The following DSE variants were observed in gnomAD, a reference collection of about 807,000 sequenced individuals.
The protein encoded by DSE is dermatan-sulfate epimerase.
DSE carries 36 observed loss-of-function variants against 84.4 expected under a neutral mutation model. That is an observed-to-expected ratio of 0.43 (90% CI 0.33 to 0.56). The LOEUF is 0.56. Ranked by LOEUF, DSE falls within the 20% of genes least tolerant of loss-of-function variation. The probability of loss-of-function intolerance (pLI) is 0.06; values close to 1 mark genes in which losing one functional copy is unlikely to be tolerated. For synonymous variants in DSE, 410 were observed against 430.1 expected (o/e 0.95, Z 0.58); for missense variants, 862 against 1,169.6 (o/e 0.74, Z 3.84).
intron 2 of DSE, among the ~76,000 whole-genome samples, chr6:116,292,691 CTG>C (rs1275775174): frequency 1.3e-5 from 2 of 152,124 alleles, no homozygotes; most frequent in South Asian, 2.1e-4. Context: ...AGAAAACAAA[CTG>C]AATGTCAGTA....
At position 116,438,881 on chromosome 6, in the gene DSE, CTT is replaced by C. The variant is rs1784331534; in HGVS notation, c.*1539_*1540del. The stretch of plus-strand genomic sequence containing the variant: ...TTGCATAAAGAAAACACAAGTTTGA[CTT>C]TTAACTGTGCTTCACTTATTATGCT... On this transcript the variant is annotated 3_prime_UTR_variant, in exon 6 of 6. Coordinates refer to ENST00000644252, the MANE Select transcript of DSE (RefSeq NM_013352.4). 6.6e-6 allele frequency: 1 copy of C among 152,190 alleles called. No homozygotes were observed. The highest frequency in any genetic ancestry group is 1.5e-5 in the Non-Finnish European group (1 of 68,020). 9.4% of individuals were successfully genotyped at this position (152,190 alleles called of 1,614,324 possible).
At chr6:116,326,757 A>G (rs1177139151) in intron 2 of DSE, among the ~76,000 whole-genome samples, 1 of 152,242 alleles carries the variant, frequency 6.6e-6, no homozygotes, top group African/African-American at 2.4e-5. Flanking sequence ...GAACAGCAAA[A>G]TGTATCAAAA....
At chr6:116,352,731 A>T (rs917445026) in intron 2 of DSE, among the ~76,000 whole-genome samples, 10 of 152,318 alleles carry the variant, frequency 6.6e-5, no homozygotes, top group African/African-American at 2.4e-4. Flanking sequence ...TACTCATTCC[A>T]ATAACAGACC....
chr6:116,323,446 G>A (rs6568934), intron 2 of DSE, among the ~76,000 whole-genome samples: 105,596 of 152,046 alleles, frequency 0.69, 37,908 homozygotes, highest in South Asian at 0.83. Context: ...AAACTTTTCA[G>A]TGGCAGCAAG....
At chr6:116,423,762 T>C (rs1035948962) in intron 2 of DSE, among the ~76,000 whole-genome samples, 11 of 152,246 alleles carry the variant, frequency 7.2e-5, no homozygotes, top group African/African-American at 2.7e-4. Context: ...TCACTTTGTA[T>C]CTAAGGCTGG....
At chr6:116,377,468 A>G (rs996553287) in intron 1 of DSE, among the ~76,000 whole-genome samples, 1 of 152,200 alleles carries the variant, frequency 6.6e-6, no homozygotes, top group African/African-American at 2.4e-5. Flanking sequence ...AGTGTTGTGT[A>G]AGTTTTTTTT....
Position 116,434,932 on chromosome 6 carries a change from T to A in DSE, c.1119-655T>A, listed in dbSNP as rs2115091565. Among the ~76,000 whole-genome samples the A allele has an allele frequency of 1.3e-5, 2 of 152,296 alleles. 1 individual carries two copies. Among genetic ancestry groups the A allele is most frequent in the Non-Finnish European group, 2.9e-5 (2 of 68,006 alleles). On this transcript the variant is annotated intron_variant, in intron 5 of 5. Transcript: ENST00000644252. ...AAGAAGCATGGCATCATCTGCAGAT[T>A]AAAACAAAACCAAACCTTTGGACCT...
chr6:116,399,597 A>T lies in DSE; in HGVS notation c.347A>T (p.Tyr116Phe), dbSNP rs1194556000. 2.5e-6 allele frequency: 4 copies of T among 1,614,242 alleles called. No homozygotes were observed. Among genetic ancestry groups the T allele is most frequent in the Non-Finnish European group, 3.4e-6 (4 of 1,180,046 alleles). ...GCCTTGGCAATGTTCTGTGTGCTGTATCCTGAGAACATTGAAGCCCGAGAC... is the reference window on the plus strand; with the variant it reads ...GCCTTGGCAATGTTCTGTGTGCTGTTTCCTGAGAACATTGAAGCCCGAGAC... ...LGALAMFCVL[Y>F]PENIEARDMA... The change falls in exon 2 of 6, where the codon TAT becomes TTT. Residue 116 changes from tyrosine (Y) to phenylalanine (F), a missense_variant. Physicochemically the swap from Tyr to Phe is conservative, Grantham distance 22. This residue lies in a region of DSE where 309 missense variants were observed against 516.9 expected (regional missense o/e 0.60). Transcript: ENST00000644252.
At chr6:116,399,124 C>T (rs2114993837) in intron 1 of DSE, 74 bp from the exon 2 acceptor site, 5 of 1,198,014 alleles carry the variant, frequency 4.2e-6, no homozygotes, top group Middle Eastern at 2.0e-4. Context: ...TGGTTTCTAC[C>T]TCTTATATGT....
chr6:116,305,157 A>C (rs1261110375), intron 2 of DSE, among the ~76,000 whole-genome samples: 1 of 150,514 alleles, frequency 6.6e-6, no homozygotes, highest in Non-Finnish European at 1.5e-5. Flanking sequence ...TTCTTTTTGC[A>C]CATAACCTGC....
chr6:116,408,207 A>G (rs1419542452), intron 2 of DSE, among the ~76,000 whole-genome samples: 1 of 152,188 alleles, frequency 6.6e-6, no homozygotes, highest in African/African-American at 2.4e-5. Flanking sequence ...GCTCCAAAGA[A>G]ACTTCTTTCT....
chr6:116,444,699 G>C lies in DSE; in HGVS notation c.*7354G>C, dbSNP rs757039467. On this transcript the variant is annotated 3_prime_UTR_variant, in exon 6 of 6. Coordinates refer to ENST00000644252, the MANE Select transcript of DSE (RefSeq NM_013352.4). ...TAGTATCCTTATAAAAGATACCCCA[G>C]AGAGGTCCCTTGTCCCTTCCAACAT... 1 of 152,176 alleles carries C rather than the reference G, an allele frequency of 6.6e-6. No homozygotes were observed. The highest frequency in any genetic ancestry group is 1.5e-5 in the Non-Finnish European group (1 of 68,042). 9.4% of individuals were successfully genotyped at this position (152,176 alleles called of 1,614,324 possible).
intron 2 of DSE, among the ~76,000 whole-genome samples, chr6:116,359,119 T>C (rs1778745690): frequency 6.6e-6 from 1 of 152,086 alleles, no homozygotes; most frequent in African/African-American, 2.4e-5. Flanking sequence ...TCTGAAACTT[T>C]AATATATATA....
At chr6:116,299,822 G>A (rs1380184319) in intron 2 of DSE, among the ~76,000 whole-genome samples, 1 of 151,958 alleles carries the variant, frequency 6.6e-6, no homozygotes, top group Non-Finnish European at 1.5e-5. Flanking sequence ...ACAGTGTACT[G>A]TGAATTGAAA....
At chr6:116,332,993 A>G (rs1779727229) in intron 2 of DSE, among the ~76,000 whole-genome samples, 1 of 152,248 alleles carries the variant, frequency 6.6e-6, no homozygotes, top group African/African-American at 2.4e-5. Flanking sequence ...GACTTCCTTT[A>G]GAATAGCTAA....
intron 2 of DSE, chr6:116,279,834 G>A (rs2114637454): frequency 6.2e-7 from 1 of 1,613,062 alleles, no homozygotes; most frequent in Admixed American, 1.7e-5. Context: ...CGCTCATGTT[G>A]CTAACAGTCG....
chr6:116,397,051 T>A (rs1288882096), intron 1 of DSE, among the ~76,000 whole-genome samples: 2 of 151,972 alleles, frequency 1.3e-5, no homozygotes, highest in Non-Finnish European at 2.9e-5. Context: ...TGCATGTACG[T>A]TGGGTGTGTG....
At chr6:116,342,169 G>T (rs1176903145) in intron 2 of DSE, among the ~76,000 whole-genome samples, 2 of 150,972 alleles carry the variant, frequency 1.3e-5, no homozygotes, top group African/African-American at 4.9e-5. Flanking sequence ...CGTAATCTTG[G>T]TTTTTGCACA....
At chr6:116,366,103 G>A (rs1331878169), upstream of DSE, 1 of 152,170 alleles carries the variant, frequency 6.6e-6, no homozygotes, top group South Asian at 2.1e-4. Flanking sequence ...TACAACGTTT[G>A]GTTTGCTCCT....
Sources: allele counts gnomAD v4.1 joint callset (sites outside exome capture counted in the v4.1 genomes callset), GRCh38; gene constraint gnomAD v4.1.1; regional missense constraint gnomAD v4.1.1; transcripts MANE v1.5; gene names NCBI Gene and HGNC (gene_info 2026-07-23, HGNC 2026-07-21).